Variants in TBC1D16 observed in about 807,000 individuals in gnomAD.
TBC1D16 encodes CTD-2529O21.1.
In TBC1D16, 58 loss-of-function variants were observed where a neutral mutation model predicts 74.7. The observed-to-expected ratio is 0.78, with a 90% CI of 0.63 to 0.97. The LOEUF is 0.97. TBC1D16 is among the 50% of genes least tolerant of loss of function. The probability of loss-of-function intolerance (pLI) is 0.00; values close to 1 mark genes in which losing one functional copy is unlikely to be tolerated. For missense variants in TBC1D16, 1,014 were observed against 1,079.5 expected, an observed-to-expected ratio of 0.94 and a Z score of 0.85; for synonymous variants, 493 against 474.7, an observed-to-expected ratio of 1.04 and a Z score of -0.50.
At chr17:80,004,605 T>C (rs1240094773) in intron 3 of TBC1D16, among the ~76,000 whole-genome samples, 1 of 152,266 alleles carries the variant, frequency 6.6e-6, no homozygotes, top group African/African-American at 2.4e-5. Context: ...TGGATTCTTA[T>C]GTTCTGCTCC....
Position 79,933,897 on chromosome 17 carries a change from A to G in TBC1D16, c.*6962T>C, listed in dbSNP as rs930552. On this transcript the variant is annotated 3_prime_UTR_variant, in exon 12 of 12. Transcript: ENST00000310924. ...GGGATGAATGCATGAATGATGTGGAAGGAGCCAGAACAGGGCTGCAGACAG... is the reference window on the plus strand; with the variant it reads ...GGGATGAATGCATGAATGATGTGGAGGGAGCCAGAACAGGGCTGCAGACAG... 0.53 allele frequency: 80,755 copies of G among 152,132 alleles called. 22,338 individuals carry two copies. The highest frequency in any genetic ancestry group is 0.67 in the East Asian group (3,470 of 5,158). The allele number at this position is 152,132 out of a possible 1,614,324, so 9.4% of individuals were successfully genotyped here. A position where few individuals can be genotyped will look rare whatever the true frequency, so the allele number is the denominator to read the frequency against.
intron 1 of TBC1D16, chr17:80,024,118 C>G (rs1270620977): frequency 6.7e-6 from 1 of 150,250 alleles, no homozygotes; most frequent in Non-Finnish European, 1.5e-5. Flanking sequence ...CAGCTCCGGG[C>G]CAGACGGTCC....
At chr17:80,034,422 G>A (rs192959812) in intron 1 of TBC1D16, among the ~76,000 whole-genome samples, 9 of 152,100 alleles carry the variant, frequency 5.9e-5, no homozygotes, top group East Asian at 1.9e-4. Context: ...GGCTGGTCTC[G>A]AACTCCTGAC....
In TBC1D16 at chr17:79,937,029, C is replaced by T. The variant is rs1177841493; in HGVS notation, c.*3830G>A. On this transcript the variant is annotated 3_prime_UTR_variant, in exon 12 of 12. Coordinates refer to ENST00000310924, the MANE Select transcript of TBC1D16 (RefSeq NM_019020.4). ...AGAGCATACAGGGAGGTGCTTCCTTCCCTCTGCCCAGCGAGCAAAGGGTGG... is the reference window on the plus strand; with the variant it reads ...AGAGCATACAGGGAGGTGCTTCCTTTCCTCTGCCCAGCGAGCAAAGGGTGG... 2.0e-5 allele frequency: 3 copies of T among 151,834 alleles called. No individual in the cohort carries two copies. The highest frequency in any genetic ancestry group is 2.9e-5 in the Non-Finnish European group (2 of 67,948). 9.4% of individuals were successfully genotyped at this position (151,834 alleles called of 1,614,324 possible). A position where few individuals can be genotyped will look rare whatever the true frequency, so the allele number is the denominator to read the frequency against.
intron 3 of TBC1D16, among the ~76,000 whole-genome samples, chr17:79,974,395 C>T (rs1036876655): frequency 6.6e-6 from 1 of 152,114 alleles, no homozygotes; most frequent in Admixed American, 6.5e-5. Context: ...TACACCACCA[C>T]GCCTGGCTAA....
intron 3 of TBC1D16, among the ~76,000 whole-genome samples, chr17:79,965,500 T>C (rs2033805953): frequency 6.6e-6 from 1 of 152,234 alleles, no homozygotes; most frequent in Admixed American, 6.5e-5. Flanking sequence ...GGCTACCATT[T>C]ATTGGAGCTT....
intron 1 of TBC1D16, among the ~76,000 whole-genome samples, chr17:80,026,378 T>C (rs1598448039): frequency 1.3e-5 from 2 of 149,956 alleles, no homozygotes; most frequent in African/African-American, 2.5e-5. Flanking sequence ...TGAGCCAAGA[T>C]TGTGCCACTG....
At chr17:79,976,947 AG>A (rs1169373188) in intron 3 of TBC1D16, among the ~76,000 whole-genome samples, 1 of 152,174 alleles carries the variant, frequency 6.6e-6, no homozygotes, top group Non-Finnish European at 1.5e-5. Flanking sequence ...AGAAGGCTAC[AG>A]GGAACACGGG....
At chr17:79,948,304 C>G (rs2032735723) in intron 8 of TBC1D16, among the ~76,000 whole-genome samples, 1 of 113,686 alleles carries the variant, frequency 8.8e-6, no homozygotes, top group Non-Finnish European at 1.8e-5. Flanking sequence ...CAGAGCGAGA[C>G]TCCGTCTCAA....
At chr17:80,006,165 C>A (rs531995689) in intron 3 of TBC1D16, among the ~76,000 whole-genome samples, 33 of 152,218 alleles carry the variant, frequency 2.2e-4, no homozygotes, top group Non-Finnish European at 3.8e-4. Flanking sequence ...CCCCTCCCCA[C>A]CCCAGAGCAC....
In TBC1D16 at chr17:80,006,313, C is replaced by A. The variant is rs577552139; in HGVS notation, c.779+3847G>T. Among the ~76,000 whole-genome samples, 3 of 152,300 alleles carry A rather than the reference C, an allele frequency of 2.0e-5. No individual in the cohort carries two copies. The East Asian group carries it at 5.8e-4, about 29-fold the overall frequency. On this transcript the variant is annotated intron_variant, in intron 3 of 11. Transcript: ENST00000310924. Reference sequence around the variant, plus strand: ...TCAGAAACCCCCAGGAAGTTCAAAACATTCCCATGCCTGGGCGCCACCCCA... The same window carrying A: ...TCAGAAACCCCCAGGAAGTTCAAAAAATTCCCATGCCTGGGCGCCACCCCA...
rs546263708 is a variant in TBC1D16, at chr17:79,996,007, C to G, written c.779+14153G>C. On this transcript the variant is annotated intron_variant, in intron 3 of 11. Transcript: ENST00000310924. Reference sequence around the variant, plus strand: ...CTCATATCTAGCAAAGGACTAGTTTCTAGAGTGTATAATCAACTCTCAAAA... The same window carrying G: ...CTCATATCTAGCAAAGGACTAGTTTGTAGAGTGTATAATCAACTCTCAAAA... Among the ~76,000 whole-genome samples the G allele has an allele frequency of 7.2e-5, 11 of 152,270 alleles. No homozygotes were observed. In the South Asian group the frequency reaches 2.3e-3, roughly 32 times the overall value.
In TBC1D16 at chr17:79,932,910, G is replaced by C. The variant is rs973988705; in HGVS notation, c.*7949C>G. On this transcript the variant is annotated 3_prime_UTR_variant, in exon 12 of 12. Transcript: ENST00000310924. ...CTCAAAACATAAAATCCCCTCTTTTGTCTCATGTTGAAGAGCTGATGACAT... is the reference window on the plus strand; with the variant it reads ...CTCAAAACATAAAATCCCCTCTTTTCTCTCATGTTGAAGAGCTGATGACAT... 2 of 152,168 alleles carry C rather than the reference G, an allele frequency of 1.3e-5. No individual in the cohort carries two copies. The highest frequency in any genetic ancestry group is 4.8e-5 in the African/African-American group (2 of 41,420). 9.4% of individuals were successfully genotyped at this position (152,168 alleles called of 1,614,324 possible). A position where few individuals can be genotyped will look rare whatever the true frequency, so the allele number is the denominator to read the frequency against.
chr17:79,950,781 T>G lies in TBC1D16; in HGVS notation c.1090-203A>C. On this transcript the variant is annotated intron_variant, in intron 5 of 11. Coordinates refer to ENST00000310924, the MANE Select transcript of TBC1D16 (RefSeq NM_019020.4). The surrounding 1 kb of genome is among the most constrained non-coding windows in gnomAD (Gnocchi z 4.6). The stretch of plus-strand genomic sequence containing the variant: ...CTTCATCTTAAAATCGGTTTCCCTC[T>G]GCGGCTCTCTCCTCCCCGGCCCACT... 6.5e-7 allele frequency: 1 copy of G among 1,536,240 alleles called. No homozygotes were observed. The highest frequency in any genetic ancestry group is 8.7e-7 in the Non-Finnish European group (1 of 1,146,902).
Position 79,944,268 on chromosome 17 carries a change from T to TGA in TBC1D16, c.1908+638_1908+639dup, listed in dbSNP as rs1010052820. Among the ~76,000 whole-genome samples, 3 of 152,044 alleles carry TGA rather than the reference T, an allele frequency of 2.0e-5. No homozygotes were observed. The highest frequency in any genetic ancestry group is 2.0e-4 in the Admixed American group (3 of 15,272). ...TCCAGCCCTCCTGGATGCGTCGATG[T>TGA]GAGTTTTTTTTTTAAAAGGCTGATG... On this transcript the variant is annotated intron_variant, in intron 10 of 11. Transcript: ENST00000310924. This position sits in a 1 kb window ranked among gnomAD's most constrained non-coding sequence, Gnocchi z 7.7.
intron 3 of TBC1D16, among the ~76,000 whole-genome samples, chr17:79,978,184 G>A (rs373195231): frequency 6.6e-6 from 1 of 152,214 alleles, no homozygotes; most frequent in Non-Finnish European, 1.5e-5. Flanking sequence ...CAGCAAGGCC[G>A]GAAAATACAG....
intron 3 of TBC1D16, among the ~76,000 whole-genome samples, chr17:79,997,102 G>A (rs997985947): frequency 6.6e-6 from 1 of 152,174 alleles, no homozygotes; most frequent in African/African-American, 2.4e-5. Flanking sequence ...CCTGTGCCAG[G>A]GCAGCGTGGA....
At chr17:80,033,564 G>C (rs928027983) in intron 1 of TBC1D16, among the ~76,000 whole-genome samples, 2 of 151,968 alleles carry the variant, frequency 1.3e-5, no homozygotes, top group Admixed American at 6.6e-5. Flanking sequence ...GTAGCGATAG[G>C]GTCTCTCTAG....
chr17:79,951,633 A>G (rs756876191), intron 4 of TBC1D16, 36 bp from the exon 5 acceptor site: 3 of 1,601,580 alleles, frequency 1.9e-6, no homozygotes, highest in African/African-American at 1.3e-5. Context: ...GGGAAGCCCG[A>G]TGAATATGTA....
Sources: gnomAD v4.1 joint callset for allele counts (sites outside exome capture counted in the v4.1 genomes callset) on GRCh38, gnomAD v4.1.1 for gene constraint, Gnocchi (gnomAD v3.1) non-coding constraint, MANE v1.5 for transcripts, NCBI Gene and HGNC (gene_info 2026-07-23, HGNC 2026-07-21) for gene names.